DTX3L: variants seen among roughly 807,000 people sequenced by gnomAD.
The protein encoded by DTX3L is E3 ubiquitin-protein ligase DTX3L.
A neutral mutation model predicts 60.9 loss-of-function variants in DTX3L; 34 were observed. That is an observed-to-expected ratio of 0.56 (90% confidence interval 0.42 to 0.74). DTX3L has a LOEUF of 0.74. DTX3L is among the 30% of genes least tolerant of loss of function. The pLI, the probability that DTX3L is intolerant of heterozygous loss-of-function variation, is 0.00. For synonymous variants in DTX3L, 290 were observed against 316.6 expected (o/e 0.92, Z 0.89); for missense variants, 810 against 874.0 (o/e 0.93, Z 0.92).
Position 122,572,257 on chromosome 3 carries a change from T to C in DTX3L, c.*510T>C, listed in dbSNP as rs1389032409. 5 of 152,718 alleles carry C rather than the reference T, an allele frequency of 3.3e-5. No individual in the cohort carries two copies. The highest frequency in any genetic ancestry group is 7.3e-5 in the Non-Finnish European group (5 of 68,500). The allele number at this position is 152,718 out of a possible 1,614,324, so 9.5% of individuals were successfully genotyped here. On this transcript the variant is annotated 3_prime_UTR_variant, in exon 5 of 5. Coordinates refer to ENST00000296161, the MANE Select transcript of DTX3L (RefSeq NM_138287.3). ...GGAAGACAAAAGCCCCCCAAATCTG[T>C]GTAAAATCTGCTGCAAAGGTGTCAT... is the stretch of plus-strand genomic sequence containing the variant.
In DTX3L at chr3:122,572,402, G is replaced by GT. The variant is rs2080652236; in HGVS notation, c.*661dup. On this transcript the variant is annotated 3_prime_UTR_variant, in exon 5 of 5. Transcript: ENST00000296161. ...TTGCCATCTCTGGGGTGGTTCTTTG[G>GT]TTTTTTGTGTGTTTTCCCCTTCATC... 6.6e-6 allele frequency: 1 copy of GT among 151,996 alleles called. No individual in the cohort carries two copies. The highest frequency in any genetic ancestry group is 2.1e-4 in the South Asian group (1 of 4,812). 9.4% of individuals were successfully genotyped at this position (151,996 alleles called of 1,614,324 possible).
Position 122,569,283 on chromosome 3 carries a change from G to T in DTX3L, c.1194G>T (p.Glu398Asp). Residue 398 changes from glutamate to aspartate, a missense_variant, in exon 3 of 5, where the codon GAG becomes GAT. Transcript: ENST00000296161. ...CTGAATTACTACAGGAGATATCAGAGATCGAAAAAAGGTATGACATTTGCA... is the reference window on the plus strand; with the variant it reads ...CTGAATTACTACAGGAGATATCAGATATCGAAAAAAGGTATGACATTTGCA... ...LETELLQEIS[E>D]IEKRYDICSK... The T allele has an allele frequency of 6.2e-7, 1 of 1,614,112 alleles. No individual in the cohort carries two copies. The highest frequency in any genetic ancestry group is 8.5e-7 in the Non-Finnish European group (1 of 1,180,020).
Position 122,573,087 on chromosome 3 carries a change from G to C in DTX3L, c.*1340G>C, listed in dbSNP as rs1042057953. 2 of 152,246 alleles carry C rather than the reference G, an allele frequency of 1.3e-5. No homozygotes were observed. Among genetic ancestry groups the C allele is most frequent in the African/African-American group, 4.8e-5 (2 of 41,436 alleles). 9.4% of individuals were successfully genotyped at this position (152,246 alleles called of 1,614,324 possible). Reference sequence around the variant, plus strand: ...TAGCAAAGGGCAGCCAGTGTGTGCAGAAATCAAATGACAGAGAGGAAGTGA... The same window carrying C: ...TAGCAAAGGGCAGCCAGTGTGTGCACAAATCAAATGACAGAGAGGAAGTGA... On this transcript the variant is annotated 3_prime_UTR_variant, in exon 5 of 5. Coordinates refer to ENST00000296161, the MANE Select transcript of DTX3L (RefSeq NM_138287.3).
In DTX3L at chr3:122,568,884, T is replaced by C. The variant is rs755693911; in HGVS notation, c.795T>C (p.Ile265=). ...NSIEKRFGVN[I]EIQESSPNMV... ...TAGAGAAAAGATTTGGTGTAAACAT[T>C]GAAATCCAGGAGAGTTCTCCAAATA... The change falls in exon 3 of 5, where the codon ATT becomes ATC. Residue 265 remains isoleucine (I), a synonymous_variant. Transcript: ENST00000296161. 23 of 1,613,912 alleles carry C rather than the reference T, an allele frequency of 1.4e-5. No homozygotes were observed. Among genetic ancestry groups the C allele is most frequent in the Non-Finnish European group, 1.9e-5 (22 of 1,180,022 alleles).
intron 4 of DTX3L, 42 bp from the exon 5 acceptor site, chr3:122,571,636 G>A (rs185178422): frequency 8.9e-5 from 134 of 1,512,756 alleles, no homozygotes; most frequent in South Asian, 3.1e-4. Flanking sequence ...GCACATATCC[G>A]AACAATTTGT....
In DTX3L at chr3:122,570,473, G is replaced by A; in HGVS notation, c.1954G>A (p.Gly652Arg). 6.2e-7 allele frequency: 1 copy of A among 1,614,054 alleles called. No individual in the cohort carries two copies. The highest frequency in any genetic ancestry group is 8.5e-7 in the Non-Finnish European group (1 of 1,179,994). The change falls in exon 4 of 5, where the codon GGA becomes AGA. Residue 652 changes from glycine to arginine, a missense_variant. Transcript: ENST00000296161. ...GIQTEEHPNP[G>R]KRYPGIQRTA... ...CACACAGGAAGAACACCCAAACCCA[G>A]GAAAGAGATACCCTGGAATACAGCG...
rs2080671194 is a variant in DTX3L at position 122,574,746 on chromosome 3, T to C, written c.*2999T>C. On this transcript the variant is annotated 3_prime_UTR_variant, in exon 5 of 5. Coordinates refer to ENST00000296161, the MANE Select transcript of DTX3L (RefSeq NM_138287.3). ...GCTGTACTGTCTCCCATGAGGGTAC[T>C]TCTCCATGGAGCAGCCTGAGGCGAT... 1 of 152,254 alleles carries C rather than the reference T, an allele frequency of 6.6e-6. No individual in the cohort carries two copies. Among genetic ancestry groups the C allele is most frequent in the Non-Finnish European group, 1.5e-5 (1 of 68,054 alleles). 9.4% of individuals were successfully genotyped at this position (152,254 alleles called of 1,614,324 possible).
chr3:122,565,912 C>A lies in DTX3L; in HGVS notation c.241C>A (p.Pro81Thr). 1 of 1,614,120 alleles carries A rather than the reference C, an allele frequency of 6.2e-7. No individual in the cohort carries two copies. Among genetic ancestry groups the A allele is most frequent in the South Asian group, 1.1e-5 (1 of 91,080 alleles). ...GCACCAAATACTTGTTGACGAAAAA[C>A]CTGTGCCCATTTTCCTGGTACCCAC... ...GEHQILVDEK[P>T]VPIFLVPTEN... Residue 81 changes from proline to threonine, a missense_variant, in exon 2 of 5, where the codon CCT becomes ACT. Physicochemically the swap from Pro to Thr is conservative, Grantham distance 38 (BLOSUM62 -1). Transcript: ENST00000296161.
chr3:122,570,932 A>G (rs1422170658), intron 4 of DTX3L, among the ~76,000 whole-genome samples: 1 of 152,150 alleles, frequency 6.6e-6, no homozygotes. Flanking sequence ...AATACTATAT[A>G]AGCTGATTTA....
rs377752261 is a variant in DTX3L, at chr3:122,569,557, A to G, written c.1468A>G (p.Met490Val). The change falls in exon 3 of 5, where the codon ATG becomes GTG. Residue 490 changes from methionine (M) to valine (V), a missense_variant. Met to Val is a conservative substitution (Grantham distance 21). Transcript: ENST00000296161. ...NVHFVLNQESMTLTGLPNHLA... is the reference protein window; with the variant it reads ...NVHFVLNQESVTLTGLPNHLA... ...ACACTTTGTGCTAAATCAAGAGTCA[A>G]TGACTTTGACTGGTTTGCCAAATCA... is the stretch of plus-strand genomic sequence containing the variant. The G allele has an allele frequency of 5.6e-6, 9 of 1,614,234 alleles. No homozygotes were observed. The highest frequency in any genetic ancestry group is 1.1e-5 in the South Asian group (1 of 91,090).
At chr3:122,570,730 G>A (rs930905026) in intron 4 of DTX3L, 58 bp downstream of exon 4, 8 of 1,558,990 alleles carry the variant, frequency 5.1e-6, no homozygotes, top group South Asian at 1.1e-5. Context: ...TATGAAATAC[G>A]GCAATTTCTG....
chr3:122,570,781 T>C, intron 4 of DTX3L, 109 bp downstream of exon 4: 1 of 1,141,710 alleles, frequency 8.8e-7, no homozygotes, highest in Non-Finnish European at 1.3e-6. Context: ...GGAATTGGTG[T>C]TTTGAGAGCT....
chr3:122,569,745 A>C lies in DTX3L; in HGVS notation c.1656A>C (p.Glu552Asp), dbSNP rs777245339. The change falls in exon 3 of 5, where the codon GAA becomes GAC. Residue 552 changes from glutamate (E) to aspartate (D), a missense_variant. By Grantham distance (45) the Glu-to-Asp change is conservative. Transcript: ENST00000296161. ...LKGSVSSEAS[E>D]LDKKEKGICV... ...GCTCTGTGAGTTCTGAGGCCTCAGA[A>C]CTGGACAAGAAGGAAAAGGGCATCT... The C allele has an allele frequency of 6.2e-7, 1 of 1,614,170 alleles. No individual in the cohort carries two copies. The highest frequency in any genetic ancestry group is 1.3e-5 in the African/African-American group (1 of 75,044).
rs773065070 is a variant in DTX3L at position 122,565,936 on chromosome 3, A to G, written c.265A>G (p.Thr89Ala). 9.3e-6 allele frequency: 15 copies of G among 1,614,214 alleles called. No homozygotes were observed. The highest frequency in any genetic ancestry group is 1.3e-5 in the Non-Finnish European group (15 of 1,180,034). The part of the protein sequence containing the change: ...EKPVPIFLVP[T>A]ENSIKKNTRP... ...ACCTGTGCCCATTTTCCTGGTACCCACTGAAAATTCAATAAAGAAGAACAC... is the reference window on the plus strand; with the variant it reads ...ACCTGTGCCCATTTTCCTGGTACCCGCTGAAAATTCAATAAAGAAGAACAC... The change falls in exon 2 of 5, where the codon ACT (threonine) becomes GCT (alanine). Residue 89 changes from threonine (T) to alanine (A), a missense_variant. Transcript: ENST00000296161.
Position 122,571,708 on chromosome 3 carries a change from A to G in DTX3L, c.2184A>G (p.Lys728=), listed in dbSNP as rs764056316. ...MYGYPDPSYL[K]RVKEELKAKG... is the part of the protein sequence containing the mutation. ...GCTATCCTGATCCTTCTTACCTGAA[A>G]CGTGTCAAAGAGGAGCTGAAAGCCA... The change falls in exon 5 of 5, where the codon AAA becomes AAG. Residue 728 remains lysine (K), a synonymous_variant. Coordinates refer to ENST00000296161, the MANE Select transcript of DTX3L (RefSeq NM_138287.3). 5 of 1,613,536 alleles carry G rather than the reference A, an allele frequency of 3.1e-6. No homozygotes were observed. The South Asian group carries it at 5.5e-5, about 18-fold the overall frequency.
Position 122,570,591 on chromosome 3 carries a change from A to G in DTX3L, c.2072A>G (p.Tyr691Cys), listed in dbSNP as rs1438974151. The G allele has an allele frequency of 5.6e-6, 9 of 1,614,142 alleles. No homozygotes were observed. Among genetic ancestry groups the G allele is most frequent in the Non-Finnish European group, 7.6e-6 (9 of 1,180,014 alleles). Residue 691 changes from tyrosine (Y) to cysteine (C), a missense_variant, in exon 4 of 5, where the codon TAC becomes TGC. By Grantham distance (194) the Tyr-to-Cys change is radical. Coordinates refer to ENST00000296161, the MANE Select transcript of DTX3L (RefSeq NM_138287.3). ...CAAAAGCTGATTTTTACAGTGGGGT[A>G]CTCTCGCGTATTAGGAGTCTCAGAT... is the stretch of plus-strand genomic sequence containing the variant. ...FDQKLIFTVG[Y>C]SRVLGVSDVI...
At position 122,569,145 on chromosome 3, in the gene DTX3L, T is replaced by A. The variant is rs757016448; in HGVS notation, c.1056T>A (p.Ala352=). 19 of 1,614,108 alleles carry A rather than the reference T, an allele frequency of 1.2e-5. No homozygotes were observed. The highest frequency in any genetic ancestry group is 3.3e-4 in the Middle Eastern group (2 of 6,084). ...TTGGGACCCAAGATGACATTTCAGC[T>A]GCCAAACAAAAAATCTCTGAAGCTT... ...TLLGTQDDIS[A]AKQKISEAFV... Residue 352 remains alanine (A), a synonymous_variant, in exon 3 of 5, where the codon GCT becomes GCA. Transcript: ENST00000296161.
In DTX3L at chr3:122,569,662, G is replaced by A; in HGVS notation, c.1573G>A (p.Glu525Lys). ...TGGAAAGAAATTGAAAGAGGGTCAT[G>A]AAACACCGATGGACATTGATAGCGA... Reference protein sequence around the residue: ...LAGKKLKEGHETPMDIDSDDS... With the variant: ...LAGKKLKEGHKTPMDIDSDDS... The change falls in exon 3 of 5, where the codon GAA becomes AAA. Residue 525 changes from glutamate to lysine, a missense_variant. Coordinates refer to ENST00000296161, the MANE Select transcript of DTX3L (RefSeq NM_138287.3). 6.2e-7 allele frequency: 1 copy of A among 1,614,202 alleles called. No individual in the cohort carries two copies. Among genetic ancestry groups the A allele is most frequent in the South Asian group, 1.1e-5 (1 of 91,090 alleles).
chr3:122,565,803 G>A (rs1334316676), intron 1 of DTX3L, 56 bp from the exon 2 acceptor site: 1 of 1,540,600 alleles, frequency 6.5e-7, no homozygotes, highest in Non-Finnish European at 9.0e-7. Flanking sequence ...AGGATTACTT[G>A]AAATCTCTCC....
Sources: gnomAD v4.1 joint callset for allele counts (sites outside exome capture counted in the v4.1 genomes callset) on GRCh38, gnomAD v4.1.1 for gene constraint, MANE v1.5 for transcripts, NCBI Gene and HGNC (gene_info 2026-07-23, HGNC 2026-07-21) for gene names.